ADARB1: variants seen among roughly 807,000 people sequenced by gnomAD.
The protein encoded by ADARB1 is double-stranded RNA-specific editase 1.
A neutral mutation model predicts 52.4 loss-of-function variants in ADARB1; 10 were observed. The observed-to-expected ratio is 0.19, with a 90% CI of 0.12 to 0.32. The LOEUF (loss-of-function observed/expected upper bound fraction) is 0.32, where lower values mean the gene tolerates loss of function less well. ADARB1 is among the 10% of genes least tolerant of loss of function. ADARB1 has a pLI of 1.00. For synonymous variants in ADARB1, 349 were observed against 371.1 expected, an observed-to-expected ratio of 0.94 and a Z score of 0.68; for missense variants, 643 against 922.3, an observed-to-expected ratio of 0.70 and a Z score of 3.92.
At chr21:45,106,741 C>T (rs748413394) in intron 1 of ADARB1, among the ~76,000 whole-genome samples, 28 of 152,108 alleles carry the variant, frequency 1.8e-4, no homozygotes, top group Non-Finnish European at 3.7e-4. Flanking sequence ...AGAACAAATA[C>T]GGCTGGATGC....
rs145790197 is a variant in ADARB1, at chr21:45,085,403, T to C, written c.-220+10610T>C. Among the ~76,000 whole-genome samples the C allele has an allele frequency of 3.9e-5, 6 of 152,350 alleles. No homozygotes were observed. The East Asian group carries it at 1.2e-3, about 29-fold the overall frequency. ...CTACACATTTCACTTGGTTTAGACC[T>C]AAGCATAAATAGTGTGAAGTCGATT... On this transcript the variant is annotated intron_variant, in intron 1 of 10. Transcript: ENST00000348831.
At chr21:45,217,692 A>G (rs1188817798) in intron 9 of ADARB1, among the ~76,000 whole-genome samples, 1 of 152,098 alleles carries the variant, frequency 6.6e-6, no homozygotes, top group Non-Finnish European at 1.5e-5. Context: ...CCATTTTGGT[A>G]TCATTTTTTC....
At position 45,126,658 on chromosome 21, in the gene ADARB1, C is replaced by G. The variant is rs182083433; in HGVS notation, c.-219-1744C>G. On this transcript the variant is annotated intron_variant, in intron 1 of 10. Transcript: ENST00000348831. ...TGAGGTCTAGGGTGGTGGCCTGGAC[C>G]CCTCTTTCCTGGAAGCCATGCTTTT... Among the ~76,000 whole-genome samples the G allele has an allele frequency of 5.1e-3, 783 of 152,324 alleles. 9 individuals carry two copies. Among genetic ancestry groups the G allele is most frequent in the African/African-American group, 0.016 (685 of 41,564 alleles).
At chr21:45,148,598 C>CG (rs2090126340) in intron 2 of ADARB1, among the ~76,000 whole-genome samples, 1 of 152,146 alleles carries the variant, frequency 6.6e-6, no homozygotes, top group Non-Finnish European at 1.5e-5. Flanking sequence ...TTGGAGGAGT[C>CG]GGTTTGTGAA....
intron 2 of ADARB1, among the ~76,000 whole-genome samples, chr21:45,141,964 C>T (rs1230878736): frequency 6.6e-6 from 1 of 151,758 alleles, no homozygotes; most frequent in Non-Finnish European, 1.5e-5. Context: ...TGTGGGTCAC[C>T]TTACCCACCC....
At position 45,180,432 on chromosome 21, in the gene ADARB1, G is replaced by A. The variant is rs546097447; in HGVS notation, c.1066G>A (p.Val356Ile). 8.1e-6 allele frequency: 13 copies of A among 1,613,538 alleles called. No individual in the cohort carries two copies. Among genetic ancestry groups the A allele is most frequent in the South Asian group, 1.1e-5 (1 of 90,966 alleles). ...TCGCAGAAAAGTGCTGGCTGGAGTC[G>A]TCATGACAACAGGTAACCATCTTGG... ...HARRKVLAGVVMTTGTDVKDA... is the reference protein window; with the variant it reads ...HARRKVLAGVIMTTGTDVKDA... Residue 356 changes from valine (V) to isoleucine (I), a missense_variant, in exon 5 of 11, where the codon GTC (valine) becomes ATC (isoleucine). Physicochemically the swap from Val to Ile is conservative, Grantham distance 29. Coordinates refer to ENST00000348831, the MANE Select transcript of ADARB1 (RefSeq NM_001112.4).
intron 9 of ADARB1, among the ~76,000 whole-genome samples, chr21:45,207,817 A>G (rs1430028786): frequency 6.6e-6 from 1 of 152,248 alleles, no homozygotes; most frequent in Admixed American, 6.5e-5. Flanking sequence ...AAATGGACAT[A>G]AATGAATACA....
intron 1 of ADARB1, among the ~76,000 whole-genome samples, chr21:45,077,527 C>T (rs1457249121): frequency 1.3e-5 from 2 of 152,002 alleles, no homozygotes; most frequent in African/African-American, 4.8e-5. Context: ...ATCAGCCGGG[C>T]ATGGTGGTGG....
At chr21:45,168,707 A>G (rs942397020) in intron 2 of ADARB1, among the ~76,000 whole-genome samples, 2 of 152,124 alleles carry the variant, frequency 1.3e-5, no homozygotes, top group Admixed American at 6.5e-5. Flanking sequence ...GCTTTGTAAT[A>G]AATGCTGAGA....
intron 3 of ADARB1, among the ~76,000 whole-genome samples, chr21:45,174,353 TTTC>T (rs775234304): frequency 6.6e-6 from 1 of 152,188 alleles, no homozygotes; most frequent in Admixed American, 6.5e-5. Context: ...AAAGGAATTA[TTTC>T]TTCTTCTCCT....
intron 1 of ADARB1, among the ~76,000 whole-genome samples, chr21:45,106,742 G>A (rs12482868): frequency 0.067 from 10,198 of 152,224 alleles, 401 homozygotes; most frequent in East Asian, 0.15. Flanking sequence ...GAACAAATAC[G>A]GCTGGATGCA....
chr21:45,174,010 C>A (rs908729743), intron 3 of ADARB1, among the ~76,000 whole-genome samples: 2 of 152,158 alleles, frequency 1.3e-5, no homozygotes, highest in Non-Finnish European at 2.9e-5. Context: ...AATTAGAGAT[C>A]TTTAACCTCA....
At chr21:45,096,960 C>T (rs765393048) in intron 1 of ADARB1, among the ~76,000 whole-genome samples, 2 of 152,144 alleles carry the variant, frequency 1.3e-5, no homozygotes, top group African/African-American at 4.8e-5. Context: ...AGGATGGTCT[C>T]GATCTCCTGA....
In ADARB1 at chr21:45,222,407, C is replaced by T. The variant is rs756407314; in HGVS notation, c.*210C>T. The T allele has an allele frequency of 2.1e-5, 27 of 1,299,168 alleles. No homozygotes were observed. The highest frequency in any genetic ancestry group is 2.5e-5 in the Non-Finnish European group (26 of 1,029,046). The allele number at this position is 1,299,168 out of a possible 1,614,324, so 80.5% of individuals were successfully genotyped here. ...GGGAGGGGATGGGGTGCGTCAGGGC[C>T]CAGCATCGCCGCCTGGCATCTCTCT... On this transcript the variant is annotated 3_prime_UTR_variant, in exon 11 of 11. Coordinates refer to ENST00000348831, the MANE Select transcript of ADARB1 (RefSeq NM_001112.4).
At position 45,221,360 on chromosome 21, in the gene ADARB1, A is replaced by G. The variant is rs2092961823; in HGVS notation, c.1926+346A>G. Reference sequence around the variant, plus strand: ...GCTGTCCCCTCCTTCTCAGCAACATAAAAATTGCTTGGATTGTGATAACCC... The same window carrying G: ...GCTGTCCCCTCCTTCTCAGCAACATGAAAATTGCTTGGATTGTGATAACCC... On this transcript the variant is annotated intron_variant, in intron 10 of 10. Transcript: ENST00000348831. The surrounding 1 kb of genome is among the most constrained non-coding windows in gnomAD (Gnocchi z 4.9). Among the ~76,000 whole-genome samples, 1 of 152,216 alleles carries G rather than the reference A, an allele frequency of 6.6e-6. No individual in the cohort carries two copies. Among genetic ancestry groups the G allele is most frequent in the African/African-American group, 2.4e-5 (1 of 41,450 alleles).
chr21:45,112,551 T>C (rs1163490854), intron 1 of ADARB1, among the ~76,000 whole-genome samples: 1 of 151,996 alleles, frequency 6.6e-6, no homozygotes, highest in Admixed American at 6.5e-5. Flanking sequence ...GAGATTCGGC[T>C]TCTGTTCTAA....
At chr21:45,129,708 C>T (rs1327285840) in intron 2 of ADARB1, among the ~76,000 whole-genome samples, 1 of 152,058 alleles carries the variant, frequency 6.6e-6, no homozygotes, top group South Asian at 2.1e-4. Context: ...ATGGGAGTGG[C>T]TGGTGCAGAG....
At chr21:45,110,664 T>C (rs946441296) in intron 1 of ADARB1, among the ~76,000 whole-genome samples, 1 of 152,218 alleles carries the variant, frequency 6.6e-6, no homozygotes, top group Non-Finnish European at 1.5e-5. Flanking sequence ...TTGCTAGCAT[T>C]TATGGCTCTT....
Position 45,111,944 on chromosome 21 carries a change from G to C in ADARB1, c.-219-16458G>C, listed in dbSNP as rs149451576. 8.5e-5 allele frequency among the ~76,000 whole-genome samples: 13 copies of C among 152,324 alleles called. No homozygotes were observed. The East Asian group carries it at 2.5e-3, about 29-fold the overall frequency. On this transcript the variant is annotated intron_variant, in intron 1 of 10. Transcript: ENST00000348831. ...TGATGCTGGCATGGTGCCTGGTTGG[G>C]CACTCAACTGCCTGCTTTCACCACA...
Sources: allele counts gnomAD v4.1 joint callset (sites outside exome capture counted in the v4.1 genomes callset), GRCh38; gene constraint gnomAD v4.1.1; non-coding constraint Gnocchi (gnomAD v3.1); transcripts MANE v1.5; gene names NCBI Gene and HGNC (gene_info 2026-07-23, HGNC 2026-07-21).